The following AK8 variants were observed in gnomAD, a reference collection of about 807,000 sequenced individuals.
AK8 encodes adenylate kinase 8.
A neutral mutation model predicts 54.6 loss-of-function variants in AK8; 44 were observed. The ratio of observed to expected loss-of-function variants is 0.81; its 90% CI spans 0.63 to 1.04. The LOEUF (loss-of-function observed/expected upper bound fraction) is 1.04. Ranked by LOEUF, AK8 falls within the 50% of genes least tolerant of loss-of-function variation. The pLI is 0.00. For synonymous variants in AK8, 239 were observed against 245.6 expected, an observed-to-expected ratio of 0.97 and a Z score of 0.25; for missense variants, 555 against 613.6, an observed-to-expected ratio of 0.90 and a Z score of 1.01.
rs187043406 is a variant in AK8 at position 132,822,306 on chromosome 9, T to C, written c.889+899A>G. ...ATATGTGTATGTATATACAAATATA[T>C]ACATATATGTGTATGTATATACAAA... On this transcript the variant is annotated intron_variant, in intron 9 of 12. Coordinates refer to ENST00000298545, the MANE Select transcript of AK8 (RefSeq NM_152572.3). 2.6e-3 allele frequency among the ~76,000 whole-genome samples: 378 copies of C among 142,902 alleles called. 19 individuals carry two copies. The highest frequency in any genetic ancestry group is 0.023 in the Admixed American group (270 of 11,944). 93.7% of individuals were successfully genotyped at this position (142,902 alleles called of 152,430 possible).
intron 11 of AK8, among the ~76,000 whole-genome samples, chr9:132,734,235 G>A (rs543452912): frequency 6.6e-6 from 1 of 152,328 alleles, no homozygotes; most frequent in East Asian, 1.9e-4. Flanking sequence ...AAAACCTCCA[G>A]GTGAGGGGCT....
intron 10 of AK8, among the ~76,000 whole-genome samples, chr9:132,794,875 G>A (rs1001707370): frequency 6.6e-6 from 1 of 152,140 alleles, no homozygotes; most frequent in Admixed American, 6.5e-5. Context: ...CTCTCTGAGC[G>A]TCAGCTTCCT....
At chr9:132,870,811 G>C (rs1843792786) in intron 2 of AK8, among the ~76,000 whole-genome samples, 1 of 152,202 alleles carries the variant, frequency 6.6e-6, no homozygotes, top group Non-Finnish European at 1.5e-5. Context: ...TGGCTGGAAG[G>C]GGGCACAATG....
intron 11 of AK8, among the ~76,000 whole-genome samples, chr9:132,777,467 G>C (rs147688935): frequency 6.6e-6 from 1 of 152,204 alleles, no homozygotes; most frequent in Admixed American, 6.5e-5. Flanking sequence ...TGCCCCTGCT[G>C]CCTCCCTGGC....
intron 11 of AK8, among the ~76,000 whole-genome samples, chr9:132,754,326 TG>T (rs1838087331): frequency 6.6e-6 from 1 of 152,206 alleles, no homozygotes; most frequent in African/African-American, 2.4e-5. Context: ...CAGACATAAA[TG>T]GGACCCATGA....
At chr9:132,730,774 C>T (rs1836805975) in intron 11 of AK8, among the ~76,000 whole-genome samples, 1 of 152,212 alleles carries the variant, frequency 6.6e-6, no homozygotes, top group South Asian at 2.1e-4. Flanking sequence ...AATGTGTGCC[C>T]TACTGGGTGT....
chr9:132,813,069 C>T (rs7848580), intron 10 of AK8, among the ~76,000 whole-genome samples: 63 of 88,416 alleles, frequency 7.1e-4, no homozygotes, highest in African/African-American at 1.6e-3. Flanking sequence ...GGACCAGACC[C>T]GCTCACTGCC....
chr9:132,848,091 G>A (rs1366879557), intron 5 of AK8, among the ~76,000 whole-genome samples: 1 of 134,312 alleles, frequency 7.4e-6, no homozygotes, highest in African/African-American at 2.6e-5. Context: ...ACTCCGGCCT[G>A]GGCAACAGAG....
At chr9:132,877,757 C>T (rs948882443) in intron 1 of AK8, 1 of 447,776 alleles carries the variant, frequency 2.2e-6, no homozygotes, top group South Asian at 1.6e-5. Flanking sequence ...CCTCAGAAAC[C>T]TGGGCCGAGA....
At chr9:132,827,859 G>T in intron 7 of AK8, 154 bp downstream of exon 7, 2 of 679,344 alleles carry the variant, frequency 2.9e-6, no homozygotes, top group Non-Finnish European at 4.9e-6. Flanking sequence ...CCTTGCCAGT[G>T]TCTTCCAGCT....
At chr9:132,839,102 C>T (rs1408883070) in intron 5 of AK8, among the ~76,000 whole-genome samples, 2 of 152,074 alleles carry the variant, frequency 1.3e-5, no homozygotes, top group Non-Finnish European at 2.9e-5. Context: ...CACCACCACA[C>T]CTGGCTAATT....
chr9:132,814,785 GA>G, intron 9 of AK8, 58 bp from the exon 10 acceptor site: 10 of 1,434,126 alleles, frequency 7.0e-6, no homozygotes, highest in East Asian at 2.4e-5. Context: ...GGAAGGATGA[GA>G]AAAAAAGAAC....
chr9:132,815,065 G>A lies in AK8; in HGVS notation c.890-338C>T, dbSNP rs79678202. Among the ~76,000 whole-genome samples the A allele has an allele frequency of 5.9e-3, 902 of 152,348 alleles. 3 individuals are homozygous for A. The highest frequency in any genetic ancestry group is 8.8e-3 in the Non-Finnish European group (602 of 68,032). ...CTGGAATTGCTGCGCAGAACTCGGC[G>A]CCCTCCAGGGTGCTGCGGAGGATCA... On this transcript the variant is annotated intron_variant, in intron 9 of 12. Transcript: ENST00000298545.
Position 132,725,654 on chromosome 9 carries a change from T to C in AK8, c.*34A>G. Reference sequence around the variant, plus strand: ...GGGGCTGGGGGCAGGGGATTAACTCTTTCCCTGGGGCAGCGCTCCTGGCTC... The same window carrying C: ...GGGGCTGGGGGCAGGGGATTAACTCCTTCCCTGGGGCAGCGCTCCTGGCTC... On this transcript the variant is annotated 3_prime_UTR_variant, in exon 13 of 13. Transcript: ENST00000298545. 6.5e-7 allele frequency: 1 copy of C among 1,536,036 alleles called. No homozygotes were observed. The highest frequency in any genetic ancestry group is 8.9e-7 in the Non-Finnish European group (1 of 1,129,182).
intron 4 of AK8, among the ~76,000 whole-genome samples, chr9:132,857,056 A>G (rs1166537313): frequency 6.6e-6 from 1 of 152,176 alleles, no homozygotes; most frequent in African/African-American, 2.4e-5. Flanking sequence ...AGGAGACCAG[A>G]GAGGCAAGAA....
chr9:132,844,446 T>C (rs1009494144), intron 5 of AK8, among the ~76,000 whole-genome samples: 1 of 152,192 alleles, frequency 6.6e-6, no homozygotes, highest in Admixed American at 6.5e-5. Flanking sequence ...CTAGTCCCTG[T>C]GTAGCTAAAT....
Position 132,756,579 on chromosome 9 carries a change from G to A in AK8, c.1122-29045C>T, listed in dbSNP as rs540074535. ...GGGGAGAGGCGATCAGCTGCCGGGG[G>A]CCACACTCCGAAGTGCGAACAGAAT... On this transcript the variant is annotated intron_variant, in intron 11 of 12. Coordinates refer to ENST00000298545, the MANE Select transcript of AK8 (RefSeq NM_152572.3). Among the ~76,000 whole-genome samples, 41 of 152,294 alleles carry A rather than the reference G, an allele frequency of 2.7e-4. 1 individual carries two copies. The highest frequency in any genetic ancestry group is 2.2e-3 in the Admixed American group (34 of 15,302).
At chr9:132,782,869 C>T (rs1200424720) in intron 11 of AK8, among the ~76,000 whole-genome samples, 1 of 152,154 alleles carries the variant, frequency 6.6e-6, no homozygotes, top group Admixed American at 6.5e-5. Flanking sequence ...CTATCAGATC[C>T]CCGCTGCCCT....
At chr9:132,778,954 C>T (rs553061315) in intron 11 of AK8, among the ~76,000 whole-genome samples, 15 of 152,104 alleles carry the variant, frequency 9.9e-5, no homozygotes, top group African/African-American at 2.9e-4. Flanking sequence ...TGGGGTCATT[C>T]GCCGCATGTG....
Sources: allele counts gnomAD v4.1 joint callset (sites outside exome capture counted in the v4.1 genomes callset), GRCh38; gene constraint gnomAD v4.1.1; transcripts MANE v1.5; gene names NCBI Gene and HGNC (gene_info 2026-07-23, HGNC 2026-07-21).